EXOC4: variants seen among roughly 807,000 people sequenced by gnomAD.
The protein encoded by EXOC4 is exocyst complex component 4.
Under a neutral mutation model 107.2 loss-of-function variants are expected in EXOC4, and 71 were observed. The observed-to-expected ratio is 0.66, with a 90% CI of 0.55 to 0.81. EXOC4 has a LOEUF of 0.81. EXOC4 is among the 30% of genes least tolerant of loss of function. The pLI is 0.00. For synonymous variants in EXOC4, 456 were observed against 441.2 expected (o/e 1.03, Z -0.42); for missense variants, 1,108 against 1,189.6 (o/e 0.93, Z 1.01).
At chr7:133,636,463 CTGCTTATT>C (rs2151020566) in intron 10 of EXOC4, among the ~76,000 whole-genome samples, 1 of 152,260 alleles carries the variant, frequency 6.6e-6, no homozygotes, top group South Asian at 2.1e-4. Flanking sequence ...TGGAGAATTG[CTGCTTATT>C]TGCTTCAACT....
chr7:133,593,077 C>G (rs12536005), intron 9 of EXOC4, among the ~76,000 whole-genome samples: 95,551 of 152,098 alleles, frequency 0.63, 31,077 homozygotes, highest in South Asian at 0.73. Context: ...CTTATACTTT[C>G]AAAATTAGGC....
chr7:133,299,399 T>C (rs1346851324), intron 3 of EXOC4, among the ~76,000 whole-genome samples: 1 of 152,088 alleles, frequency 6.6e-6, no homozygotes, highest in Admixed American at 6.6e-5. Flanking sequence ...TGTTGCTACT[T>C]TAGGAGGGGA....
intron 7 of EXOC4, among the ~76,000 whole-genome samples, chr7:133,420,895 A>G (rs529677230): frequency 1.3e-5 from 2 of 150,830 alleles, no homozygotes; most frequent in South Asian, 2.1e-4. Flanking sequence ...CTGCTTGAGT[A>G]TAGTGTTTTT....
At chr7:133,910,371 C>T (rs1246988077) in intron 12 of EXOC4, among the ~76,000 whole-genome samples, 1 of 152,134 alleles carries the variant, frequency 6.6e-6, no homozygotes, top group East Asian at 1.9e-4. Context: ...CAAGAGTTAC[C>T]TTCTGTAAAC....
chr7:133,629,868 T>C (rs1284570315), intron 9 of EXOC4, among the ~76,000 whole-genome samples, 177 bp from the exon 10 acceptor site: 1 of 152,132 alleles, frequency 6.6e-6, no homozygotes, highest in Admixed American at 6.6e-5. Flanking sequence ...ATCTGTTGTT[T>C]ATTCAAGTGA....
chr7:133,819,858 TA>T (rs1324344797), intron 11 of EXOC4, among the ~76,000 whole-genome samples: 1 of 151,798 alleles, frequency 6.6e-6, no homozygotes, highest in Non-Finnish European at 1.5e-5. Context: ...ATTAAAATCA[TA>T]ACTCATTGAT....
At position 133,584,592 on chromosome 7, in the gene EXOC4, T is replaced by TG. The variant is rs1801356784; in HGVS notation, c.1418-45453_1418-45452insG. ...TATTTCAGTTTTTTTTTTGTTTTTT[T>TG]TTTTGAGACAGAGTCTCGCTCTGTT... On this transcript the variant is annotated intron_variant, in intron 9 of 17. Coordinates refer to ENST00000253861, the MANE Select transcript of EXOC4 (RefSeq NM_021807.4). Among the ~76,000 whole-genome samples the TG allele has an allele frequency of 1.4e-5, 2 of 144,680 alleles. 1 individual carries two copies. Among genetic ancestry groups the TG allele is most frequent in the Non-Finnish European group, 3.0e-5 (2 of 65,970 alleles). 94.9% of individuals were successfully genotyped at this position (144,680 alleles called of 152,430 possible).
At chr7:133,552,200 A>G (rs1563105526) in intron 9 of EXOC4, among the ~76,000 whole-genome samples, 1 of 152,180 alleles carries the variant, frequency 6.6e-6, no homozygotes, top group Non-Finnish European at 1.5e-5. Flanking sequence ...AAAGAAAAAC[A>G]TGGCTCAATT....
At chr7:133,418,793 G>T (rs1200356865) in intron 7 of EXOC4, among the ~76,000 whole-genome samples, 2 of 152,116 alleles carry the variant, frequency 1.3e-5, no homozygotes, top group Non-Finnish European at 2.9e-5. Context: ...ATCCTCTGAC[G>T]CTGGGAGACC....
At chr7:133,909,446 A>G (rs1160942757) in intron 12 of EXOC4, among the ~76,000 whole-genome samples, 1 of 152,234 alleles carries the variant, frequency 6.6e-6, no homozygotes, top group Non-Finnish European at 1.5e-5. Context: ...CTAAAGGATG[A>G]GAAGGAGCCA....
chr7:133,431,564 C>T (rs777740520), intron 7 of EXOC4, among the ~76,000 whole-genome samples: 1 of 152,218 alleles, frequency 6.6e-6, no homozygotes, highest in Non-Finnish European at 1.5e-5. Flanking sequence ...CCTAATCACT[C>T]TTGCAGATGG....
At chr7:133,357,087 A>G (rs953089685) in intron 6 of EXOC4, among the ~76,000 whole-genome samples, 1 of 152,272 alleles carries the variant, frequency 6.6e-6, no homozygotes, top group Non-Finnish European at 1.5e-5. Context: ...AATTCAAAGC[A>G]TATTGTCACT....
chr7:133,801,115 A>C (rs1341131577), intron 10 of EXOC4, among the ~76,000 whole-genome samples: 1 of 152,170 alleles, frequency 6.6e-6, no homozygotes, highest in Admixed American at 6.5e-5. Context: ...TGTCACCTCC[A>C]CTGAGGTGCC....
At chr7:134,022,429 T>C (rs1795050279) in intron 17 of EXOC4, among the ~76,000 whole-genome samples, 1 of 152,204 alleles carries the variant, frequency 6.6e-6, no homozygotes, top group South Asian at 2.1e-4. Context: ...GTCTTAAATA[T>C]TTACTGTCTG....
At chr7:133,525,272 T>C (rs1800058880) in intron 9 of EXOC4, among the ~76,000 whole-genome samples, 2 of 152,208 alleles carry the variant, frequency 1.3e-5, no homozygotes, top group Admixed American at 6.5e-5. Flanking sequence ...GGCTAATATT[T>C]CTAAGGTCAA....
chr7:133,918,060 G>A (rs1411015475), intron 13 of EXOC4, among the ~76,000 whole-genome samples: 1 of 150,288 alleles, frequency 6.7e-6, no homozygotes, highest in Non-Finnish European at 1.5e-5. Flanking sequence ...TCGGCTCACT[G>A]CAAACTCCAC....
intron 3 of EXOC4, among the ~76,000 whole-genome samples, chr7:133,294,079 T>C (rs914760936): frequency 6.6e-6 from 1 of 152,182 alleles, no homozygotes; most frequent in Non-Finnish European, 1.5e-5. Flanking sequence ...AATTCCCTTA[T>C]TGTCTTGAAA....
rs574334682 is a variant in EXOC4, at chr7:133,928,611, C to T, written c.2028-9280C>T. On this transcript the variant is annotated intron_variant, in intron 13 of 17. Coordinates refer to ENST00000253861, the MANE Select transcript of EXOC4 (RefSeq NM_021807.4). ...TCCCAGAAACCCTCCTCCCGCTCCA[C>T]GCTGCACCCTCCTCCCCTCACTCAC... 3.9e-5 allele frequency among the ~76,000 whole-genome samples: 6 copies of T among 152,240 alleles called. No homozygotes were observed. The East Asian group carries it at 5.8e-4, about 15-fold the overall frequency.
At chr7:133,812,233 C>T (rs1382076073) in intron 10 of EXOC4, among the ~76,000 whole-genome samples, 1 of 152,128 alleles carries the variant, frequency 6.6e-6, no homozygotes, top group Non-Finnish European at 1.5e-5. Context: ...TTCTAAAAAC[C>T]GCAGCAGCAC....
Sources: gnomAD v4.1 joint callset for allele counts (sites outside exome capture counted in the v4.1 genomes callset) on GRCh38, gnomAD v4.1.1 for gene constraint, MANE v1.5 for transcripts, NCBI Gene and HGNC (gene_info 2026-07-23, HGNC 2026-07-21) for gene names.